The following PTPN12 variants were observed in gnomAD, a reference collection of about 807,000 sequenced individuals.
PTPN12 encodes the protein protein tyrosine phosphatase non-receptor type 12.
Under a neutral mutation model 97.6 loss-of-function variants are expected in PTPN12, and 29 were observed. The ratio of observed to expected loss-of-function variants is 0.30; its 90% CI spans 0.22 to 0.41. PTPN12 has a LOEUF of 0.41. Ranked by LOEUF, PTPN12 falls within the 10% of genes least tolerant of loss-of-function variation. PTPN12 has a pLI of 1.00. For missense variants in PTPN12, 819 were observed against 926.0 expected (o/e 0.88, Z 1.50); for synonymous variants, 327 against 300.4 (o/e 1.09, Z -0.91).
At chr7:77,599,666 T>C (rs1187144708) in intron 7 of PTPN12, among the ~76,000 whole-genome samples, 2 of 152,192 alleles carry the variant, frequency 1.3e-5, no homozygotes, top group Admixed American at 6.6e-5. Flanking sequence ...ATCAGGCATC[T>C]TAATTCTGCT....
intron 7 of PTPN12, 31 bp downstream of exon 7, chr7:77,597,932 A>G: frequency 6.2e-7 from 1 of 1,603,852 alleles, no homozygotes; most frequent in Non-Finnish European, 8.5e-7. Context: ...GACTATCTGT[A>G]AGAATAGTTT....
At chr7:77,612,739 G>A (rs964413890) in intron 11 of PTPN12, among the ~76,000 whole-genome samples, 6 of 149,354 alleles carry the variant, frequency 4.0e-5, no homozygotes, top group Non-Finnish European at 7.4e-5. Context: ...GCCCGGCCTC[G>A]AATGTGTTTT....
chr7:77,560,019 A>G (rs939847703), intron 1 of PTPN12, among the ~76,000 whole-genome samples: 1 of 152,216 alleles, frequency 6.6e-6, no homozygotes, highest in African/African-American at 2.4e-5. Flanking sequence ...TGTCCTGTTC[A>G]TCTCTTATCA....
At chr7:77,552,095 T>A (rs1807503941) in intron 1 of PTPN12, among the ~76,000 whole-genome samples, 1 of 152,220 alleles carries the variant, frequency 6.6e-6, no homozygotes. Flanking sequence ...TTAAAATTAC[T>A]TTATAATTTA....
chr7:77,601,561 A>G (rs1432388216), intron 8 of PTPN12, among the ~76,000 whole-genome samples: 1 of 152,134 alleles, frequency 6.6e-6, no homozygotes, highest in Admixed American at 6.5e-5. Context: ...TATTGATCTA[A>G]GATATCATCA....
At chr7:77,609,092 C>T (rs1470015911) in intron 9 of PTPN12, among the ~76,000 whole-genome samples, 3 of 151,812 alleles carry the variant, frequency 2.0e-5, no homozygotes, top group South Asian at 4.2e-4. Flanking sequence ...TGGTGGCCGG[C>T]GCCTGTAATC....
intron 2 of PTPN12, among the ~76,000 whole-genome samples, chr7:77,579,276 G>A (rs1192449610): frequency 2.0e-5 from 3 of 151,990 alleles, no homozygotes; most frequent in East Asian, 1.9e-4. Context: ...CATGCGCCAC[G>A]ATGCCCTGCC....
In PTPN12 at chr7:77,610,839, A is replaced by C. The variant is rs752597201; in HGVS notation, c.837A>C (p.Thr279=). ...MRTQRHSAVQ[T]KEQYELVHRA... ...CACAAAGGCATTCTGCAGTACAAAC[A>C]AAGGTATAGTTGTTTGTTTCCCTTT... Residue 279 remains threonine, a synonymous_variant, in exon 10 of 18, where the codon ACA becomes ACC. Coordinates refer to ENST00000248594, the MANE Select transcript of PTPN12 (RefSeq NM_002835.4). The C allele has an allele frequency of 6.2e-7, 1 of 1,606,468 alleles. No homozygotes were observed. Among genetic ancestry groups the C allele is most frequent in the Non-Finnish European group, 8.5e-7 (1 of 1,178,242 alleles).
intron 11 of PTPN12, among the ~76,000 whole-genome samples, chr7:77,618,164 G>A (rs1788815303): frequency 6.6e-6 from 1 of 151,972 alleles, no homozygotes; most frequent in South Asian, 2.1e-4. Context: ...GCGGGGCGGG[G>A]GGATACTACG....
chr7:77,639,048 C>A, intron 17 of PTPN12, 171 bp from the exon 18 acceptor site: 1 of 654,426 alleles, frequency 1.5e-6, no homozygotes, highest in Non-Finnish European at 2.4e-6. Context: ...TCAGTTATTC[C>A]AAATAAATTT....
intron 1 of PTPN12, chr7:77,537,881 A>C: frequency 2.0e-6 from 1 of 492,578 alleles, no homozygotes; most frequent in Non-Finnish European, 3.0e-6. Flanking sequence ...CGGGACGCGA[A>C]GGGAGCGGCC....
intron 1 of PTPN12, among the ~76,000 whole-genome samples, chr7:77,547,599 T>C (rs1009260273): frequency 6.6e-6 from 1 of 152,130 alleles, no homozygotes; most frequent in African/African-American, 2.4e-5. Flanking sequence ...AGATAATATA[T>C]GTAAAGTTTC....
At chr7:77,628,889 T>G (rs1323925433) in intron 13 of PTPN12, among the ~76,000 whole-genome samples, 1 of 151,932 alleles carries the variant, frequency 6.6e-6, no homozygotes, top group African/African-American at 2.4e-5. Flanking sequence ...CATACTGTAG[T>G]GCTTGTATTT....
At chr7:77,617,341 A>G (rs999662020) in intron 11 of PTPN12, among the ~76,000 whole-genome samples, 3 of 152,222 alleles carry the variant, frequency 2.0e-5, no homozygotes, top group African/African-American at 7.2e-5. Flanking sequence ...TTAAGGAAGA[A>G]TGCTTTAAGT....
At chr7:77,586,684 G>A (rs972135905) in intron 5 of PTPN12, among the ~76,000 whole-genome samples, 1 of 152,204 alleles carries the variant, frequency 6.6e-6, no homozygotes, top group Non-Finnish European at 1.5e-5. Context: ...AGCAACAGCA[G>A]TTGCTGTTCT....
chr7:77,548,223 A>T (rs1054551707), intron 1 of PTPN12, among the ~76,000 whole-genome samples: 1 of 152,216 alleles, frequency 6.6e-6, no homozygotes, highest in Non-Finnish European at 1.5e-5. Context: ...AATTACATTT[A>T]AAAAGCCTTC....
intron 1 of PTPN12, among the ~76,000 whole-genome samples, chr7:77,560,242 A>G (rs778587380): frequency 8.5e-5 from 13 of 152,204 alleles, no homozygotes; most frequent in Non-Finnish European, 1.3e-4. Context: ...TGTTGTATGA[A>G]TATTATGTGA....
chr7:77,540,051 T>G (rs2151292139), intron 1 of PTPN12, among the ~76,000 whole-genome samples: 2 of 152,196 alleles, frequency 1.3e-5, no homozygotes, highest in South Asian at 4.2e-4. Context: ...ATTTCTTGTT[T>G]GCATGCTAGT....
intron 3 of PTPN12, among the ~76,000 whole-genome samples, chr7:77,583,154 AG>A (rs1787577789): frequency 6.6e-6 from 1 of 152,216 alleles, no homozygotes. Context: ...AATGGAAGGT[AG>A]CTATGGAAGA....
Sources: allele counts gnomAD v4.1 joint callset (sites outside exome capture counted in the v4.1 genomes callset), GRCh38; gene constraint gnomAD v4.1.1; transcripts MANE v1.5; gene names NCBI Gene and HGNC (gene_info 2026-07-23, HGNC 2026-07-21).